ERCC6L2: variants seen among roughly 807,000 people sequenced by gnomAD.
ERCC6L2 encodes DNA excision repair protein ERCC-6-like 2.
In ERCC6L2, 77 loss-of-function variants were observed where a neutral mutation model predicts 132.0. The ratio of observed to expected loss-of-function variants is 0.58; its 90% confidence interval spans 0.49 to 0.71. ERCC6L2 has a LOEUF of 0.71. ERCC6L2 is among the 30% of genes least tolerant of loss of function. ERCC6L2 has a pLI of 0.00. For synonymous variants in ERCC6L2, 583 were observed against 632.4 expected, an observed-to-expected ratio of 0.92 and a Z score of 1.17; for missense variants, 1,542 against 1,837.6, an observed-to-expected ratio of 0.84 and a Z score of 2.94.
At chr9:96,040,175 A>G (rs1329788742) in intron 20 of ERCC6L2, among the ~76,000 whole-genome samples, 1 of 150,104 alleles carries the variant, frequency 6.7e-6, no homozygotes, top group Non-Finnish European at 1.5e-5. Flanking sequence ...CACCCCCACA[A>G]TAGCTCTTTA....
chr9:95,912,462 A>G (rs977674055), intron 4 of ERCC6L2, among the ~76,000 whole-genome samples: 2 of 152,100 alleles, frequency 1.3e-5, no homozygotes, highest in African/African-American at 4.8e-5. Context: ...GTCTATGTCT[A>G]TGTCTTTGTG....
At chr9:95,978,568 G>A (rs1832768002) in intron 17 of ERCC6L2, among the ~76,000 whole-genome samples, 1 of 152,148 alleles carries the variant, frequency 6.6e-6, no homozygotes, top group South Asian at 2.1e-4. Context: ...TGATTAGGTT[G>A]CTCCACAATT....
At chr9:95,944,419 A>G (rs1395787858) in intron 12 of ERCC6L2, among the ~76,000 whole-genome samples, 1 of 152,240 alleles carries the variant, frequency 6.6e-6, no homozygotes, top group Non-Finnish European at 1.5e-5. Context: ...AGTTTAGGAT[A>G]ATAAAAAAGT....
chr9:95,902,741 G>A (rs1162114354), intron 3 of ERCC6L2, among the ~76,000 whole-genome samples: 1 of 152,058 alleles, frequency 6.6e-6, no homozygotes, highest in Non-Finnish European at 1.5e-5. Context: ...ATGACTACCT[G>A]AGAGATTTAA....
intron 14 of ERCC6L2, chr9:95,967,440 A>G (rs1832208005): frequency 6.6e-6 from 1 of 152,192 alleles, no homozygotes; most frequent in African/African-American, 2.4e-5. Flanking sequence ...TAAAATCTTA[A>G]TGTACTTCAT....
rs557548228 is a variant in ERCC6L2, at chr9:95,959,682, A to G, written c.1947+3669A>G. ...CTACAATGAACTCAAACAAATTTAC[A>G]AGAAAAAAACAACCCCATCAAAAAG... On this transcript the variant is annotated intron_variant, in intron 13 of 18. Transcript: ENST00000653738. Among the ~76,000 whole-genome samples the G allele has an allele frequency of 2.7e-3, 410 of 152,184 alleles. 1 individual carries two copies. Among genetic ancestry groups the G allele is most frequent in the African/African-American group, 9.5e-3 (393 of 41,548 alleles).
rs951299785 is a variant in ERCC6L2 at position 95,876,063 on chromosome 9, C to A, written c.25C>A (p.Arg9Ser). Residue 9 changes from arginine (R) to serine (S), a missense_variant, in exon 1 of 19, where the codon CGC (arginine) becomes AGC (serine). Coordinates refer to ENST00000653738, the MANE Select transcript of ERCC6L2 (RefSeq NM_020207.7). MDPSAPQPRAETSGKDIWH... is the reference protein window; with the variant it reads MDPSAPQPSAETSGKDIWH... ...GATGGATCCGTCGGCGCCACAGCCC[C>A]GCGCGGAAACCTCAGGCAAAGGTAC... The A allele has an allele frequency of 2.5e-6, 4 of 1,584,060 alleles. No individual in the cohort carries two copies. The East Asian group carries it at 7.0e-5, about 28-fold the overall frequency.
chr9:95,923,155 T>A (rs1389613510), intron 8 of ERCC6L2, 105 bp from the exon 9 acceptor site: 1 of 1,354,392 alleles, frequency 7.4e-7, no homozygotes, highest in Non-Finnish European at 9.9e-7. Context: ...ATCTTTAAAG[T>A]AATACATTCT....
rs371541658 is a variant in ERCC6L2, at chr9:95,920,439, G to A, written c.1159-736G>A. ...ATATAATATATAATAGATACACAAA[G>A]TAGTGTTTCTCAACTATTTATACTG... On this transcript the variant is annotated intron_variant, in intron 6 of 18. Transcript: ENST00000653738. Among the ~76,000 whole-genome samples the A allele has an allele frequency of 2.6e-4, 39 of 152,194 alleles. No homozygotes were observed. The East Asian group carries it at 6.0e-3, about 23-fold the overall frequency.
intron 17 of ERCC6L2, among the ~76,000 whole-genome samples, chr9:95,999,103 G>C (rs1294987423): frequency 6.6e-6 from 1 of 152,344 alleles, no homozygotes; most frequent in East Asian, 1.9e-4. Context: ...GCTCACTCCT[G>C]TAATCCCAGC....
At chr9:95,942,065 G>A (rs999207016) in intron 12 of ERCC6L2, among the ~76,000 whole-genome samples, 11 of 152,106 alleles carry the variant, frequency 7.2e-5, no homozygotes, top group African/African-American at 2.7e-4. Context: ...GAGATTGGCC[G>A]TAACAGGTAC....
chr9:95,891,259 CTT>C (rs1828148388), intron 2 of ERCC6L2, among the ~76,000 whole-genome samples: 1 of 152,148 alleles, frequency 6.6e-6, no homozygotes, highest in Non-Finnish European at 1.5e-5. Flanking sequence ...TATTTACTGA[CTT>C]GACACTTTAC....
At chr9:95,993,529 C>T (rs1452380960) in intron 17 of ERCC6L2, among the ~76,000 whole-genome samples, 2 of 152,170 alleles carry the variant, frequency 1.3e-5, no homozygotes, top group Non-Finnish European at 2.9e-5. Flanking sequence ...TCACCTGCTC[C>T]CCCCAATGCT....
intron 17 of ERCC6L2, among the ~76,000 whole-genome samples, chr9:95,999,637 A>C (rs1333971353): frequency 6.6e-6 from 1 of 152,122 alleles, no homozygotes; most frequent in Non-Finnish European, 1.5e-5. Flanking sequence ...GAAATTGCAA[A>C]ATATGAGGAT....
At chr9:96,023,182 TGGCCTAGATAAGACA>T (rs1331968318), downstream of ERCC6L2, among the ~76,000 whole-genome samples, 1 of 151,228 alleles carries the variant, frequency 6.6e-6, no homozygotes, top group Admixed American at 6.6e-5. Context: ...CACCACTCCA[TGGCCTAGATAAGACA>T]GGCCAAGACC....
chr9:96,038,588 G>T (rs992015488), intron 19 of ERCC6L2, among the ~76,000 whole-genome samples: 1 of 152,210 alleles, frequency 6.6e-6, no homozygotes, highest in Admixed American at 6.5e-5. Flanking sequence ...TAGCTGCCCT[G>T]CCCAGGGGCA....
intron 3 of ERCC6L2, among the ~76,000 whole-genome samples, chr9:95,901,288 G>C (rs559019061): frequency 2.0e-5 from 3 of 151,940 alleles, no homozygotes; most frequent in Admixed American, 6.5e-5. Flanking sequence ...TTGTTTGGAA[G>C]TATTAAGGAC....
chr9:95,991,297 C>T (rs1374189515), intron 17 of ERCC6L2, among the ~76,000 whole-genome samples: 1 of 152,028 alleles, frequency 6.6e-6, no homozygotes, highest in Non-Finnish European at 1.5e-5. Context: ...CACATTCTTG[C>T]AGGAAAAAGA....
chr9:95,942,659 A>G (rs1830859687), intron 12 of ERCC6L2, among the ~76,000 whole-genome samples: 1 of 152,190 alleles, frequency 6.6e-6, no homozygotes, highest in African/African-American at 2.4e-5. Context: ...AATATGAGTA[A>G]AGAGAAATTG....
Sources: gnomAD v4.1 joint callset for allele counts (sites outside exome capture counted in the v4.1 genomes callset) on GRCh38, gnomAD v4.1.1 for gene constraint, MANE v1.5 for transcripts, NCBI Gene and HGNC (gene_info 2026-07-23, HGNC 2026-07-21) for gene names.